The following IL1R1 variants were observed in gnomAD, a reference collection of about 807,000 sequenced individuals.
The protein encoded by IL1R1 is interleukin-1 receptor type 1.
Under a neutral mutation model 50.2 loss-of-function variants are expected in IL1R1, and 22 were observed. That is an observed-to-expected ratio of 0.44 (90% CI 0.31 to 0.63). The LOEUF (loss-of-function observed/expected upper bound fraction) is 0.63. Among genes scored for constraint, IL1R1 ranks in the 20% least tolerant of loss-of-function variants. The probability of loss-of-function intolerance (pLI) is 0.07; values close to 1 mark genes in which losing one functional copy is unlikely to be tolerated. For synonymous variants in IL1R1, 251 were observed against 236.7 expected, an observed-to-expected ratio of 1.06 and a Z score of -0.55; for missense variants, 509 against 676.2, an observed-to-expected ratio of 0.75 and a Z score of 2.74.
upstream of IL1R1, chr2:102,142,309 C>T (rs1682708423): frequency 1.3e-5 from 2 of 152,164 alleles, no homozygotes; most frequent in African/African-American, 4.8e-5. Context: ...CAAAGCCAGT[C>T]GGAGAGAGCC....
At chr2:102,115,703 G>A (rs1681033099) in intron 1 of IL1R1, among the ~76,000 whole-genome samples, 1 of 152,074 alleles carries the variant, frequency 6.6e-6, no homozygotes, top group South Asian at 2.1e-4. Flanking sequence ...GGAGGGGGGA[G>A]AAGGCGGAAG....
At chr2:102,128,873 C>T (rs1443835227) in intron 1 of IL1R1, among the ~76,000 whole-genome samples, 2 of 152,074 alleles carry the variant, frequency 1.3e-5, no homozygotes, top group Non-Finnish European at 2.9e-5. Context: ...TGGGCAAGTT[C>T]CTTAACTTCT....
At chr2:102,107,504 A>AG (rs1213535243) in intron 1 of IL1R1, among the ~76,000 whole-genome samples, 2 of 122,134 alleles carry the variant, frequency 1.6e-5, no homozygotes, top group East Asian at 5.1e-4. Flanking sequence ...GGGTGGGAGG[A>AG]GGGGGGAGGG....
At chr2:102,147,046 T>C (rs1683192708) in intron 1 of IL1R1, among the ~76,000 whole-genome samples, 1 of 152,204 alleles carries the variant, frequency 6.6e-6, no homozygotes, top group African/African-American at 2.4e-5. Flanking sequence ...CCATCAGGAA[T>C]GCACTTCCGT....
chr2:102,140,286 G>A (rs2104435955), upstream of IL1R1, among the ~76,000 whole-genome samples: 1 of 152,254 alleles, frequency 6.6e-6, no homozygotes, highest in East Asian at 1.9e-4. Flanking sequence ...TATTTTTCAG[G>A]CATTGGATTA....
chr2:102,113,659 T>C (rs776498452), intron 1 of IL1R1, among the ~76,000 whole-genome samples: 1 of 152,206 alleles, frequency 6.6e-6, no homozygotes, highest in South Asian at 2.1e-4. Context: ...CTTGCCCCGC[T>C]CTAGGCTGAT....
At chr2:102,108,089 G>C (rs991097830) in intron 1 of IL1R1, among the ~76,000 whole-genome samples, 37 of 152,006 alleles carry the variant, frequency 2.4e-4, no homozygotes, top group Admixed American at 1.1e-3. Context: ...AATGCAAAAT[G>C]GTATTATTAT....
intron 1 of IL1R1, among the ~76,000 whole-genome samples, chr2:102,083,938 C>T (rs1003355849): frequency 3.7e-5 from 4 of 107,786 alleles, no homozygotes; most frequent in African/African-American, 1.1e-4. Context: ...AGCAAGACTC[C>T]GCCTCAAAAA....
chr2:102,137,716 C>A (rs1577931169), intron 1 of IL1R1, among the ~76,000 whole-genome samples: 1 of 152,096 alleles, frequency 6.6e-6, no homozygotes, highest in Non-Finnish European at 1.5e-5. Flanking sequence ...AGTCAATAAG[C>A]CAGTCCAGAT....
chr2:102,174,553 T>C lies in IL1R1; in HGVS notation c.992-34T>C, dbSNP rs1685947563. 3.3e-6 allele frequency: 5 copies of C among 1,513,698 alleles called. No individual in the cohort carries two copies. The Admixed American group carries it at 6.6e-5, about 20-fold the overall frequency. 93.8% of individuals were successfully genotyped at this position (1,513,698 alleles called of 1,614,324 possible). A position where few individuals can be genotyped will look rare whatever the true frequency, so the allele number is the denominator to read the frequency against. On this transcript the variant is annotated intron_variant, in intron 9 of 11. Coordinates refer to ENST00000410023, the MANE Select transcript of IL1R1 (RefSeq NM_000877.4). ...AAGTTTTAATTCTTTTTGGTTCTAA[T>C]ATTTTTTCTCCTTTTTTTTTCTTTT...
At chr2:102,097,867 C>A (rs1263170101) in intron 1 of IL1R1, among the ~76,000 whole-genome samples, 1 of 151,850 alleles carries the variant, frequency 6.6e-6, no homozygotes, top group Non-Finnish European at 1.5e-5. Flanking sequence ...TAATGTCAAT[C>A]TTATACAAAA....
chr2:102,124,190 G>A (rs1233960851), intron 1 of IL1R1, among the ~76,000 whole-genome samples: 2 of 152,170 alleles, frequency 1.3e-5, no homozygotes, highest in Non-Finnish European at 1.5e-5. Context: ...GGGAGGCTGA[G>A]GTGGGCAGAT....
chr2:102,081,665 C>T (rs1487905631), intron 1 of IL1R1, among the ~76,000 whole-genome samples: 3 of 152,174 alleles, frequency 2.0e-5, no homozygotes, highest in Non-Finnish European at 4.4e-5. Flanking sequence ...GTTTAGAAGG[C>T]GAAGGCGAAT....
intron 7 of IL1R1, 53 bp downstream of exon 7, chr2:102,168,716 A>G (rs1052625989): frequency 8.0e-7 from 1 of 1,244,794 alleles, no homozygotes; most frequent in South Asian, 1.3e-5. Flanking sequence ...TTTTTAAAAC[A>G]TAAGAGTAAG....
chr2:102,169,714 T>C (rs1370932228), intron 7 of IL1R1, among the ~76,000 whole-genome samples: 1 of 152,224 alleles, frequency 6.6e-6, no homozygotes, highest in Non-Finnish European at 1.5e-5. Flanking sequence ...TGGTGGAAGG[T>C]GGTAGAAAGA....
Position 102,160,857 on chromosome 2 carries a change from C to T in IL1R1, c.61+3072C>T, listed in dbSNP as rs1472655189. 3.9e-5 allele frequency among the ~76,000 whole-genome samples: 6 copies of T among 152,164 alleles called. No homozygotes were observed. In the East Asian group the frequency reaches 7.7e-4, roughly 20 times the overall value. On this transcript the variant is annotated intron_variant, in intron 3 of 11. Transcript: ENST00000410023. The stretch of plus-strand genomic sequence containing the variant: ...TCTGGTGATTCTCCCTGTGGTTTTG[C>T]GTGGTATGGCACACCCCTTCTGTCC...
chr2:102,085,061 T>C (rs1679377094), intron 1 of IL1R1, among the ~76,000 whole-genome samples: 1 of 152,222 alleles, frequency 6.6e-6, no homozygotes, highest in Non-Finnish European at 1.5e-5. Flanking sequence ...AACCTTTTGT[T>C]TGTATTTCTA....
intron 1 of IL1R1, among the ~76,000 whole-genome samples, chr2:102,093,983 T>C (rs2104319225): frequency 6.6e-6 from 1 of 152,204 alleles, no homozygotes; most frequent in Non-Finnish European, 1.5e-5. Flanking sequence ...GCAGCAGAAA[T>C]ACACCATGAT....
intron 1 of IL1R1, among the ~76,000 whole-genome samples, chr2:102,071,137 C>G (rs772355834): frequency 4.6e-5 from 7 of 151,750 alleles, no homozygotes; most frequent in Non-Finnish European, 1.0e-4. Context: ...CTTCAGAGGT[C>G]CAAAGCTGAA....
Sources: gnomAD v4.1 joint callset for allele counts (sites outside exome capture counted in the v4.1 genomes callset) on GRCh38, gnomAD v4.1.1 for gene constraint, MANE v1.5 for transcripts, NCBI Gene and HGNC (gene_info 2026-07-23, HGNC 2026-07-21) for gene names.